CNTNAP2: variants seen among roughly 807,000 people sequenced by gnomAD.
CNTNAP2 encodes the protein contactin associated protein 2.
A neutral mutation model predicts 155.2 loss-of-function variants in CNTNAP2; 98 were observed. That is an observed-to-expected ratio of 0.63 (90% CI 0.54 to 0.75). CNTNAP2 has a LOEUF of 0.75. Among genes scored for constraint, CNTNAP2 ranks in the 30% least tolerant of loss-of-function variants. The pLI is 0.00. For synonymous variants in CNTNAP2, 651 were observed against 631.2 expected (o/e 1.03, Z -0.47); for missense variants, 1,727 against 1,688.1 (o/e 1.02, Z -0.40).
At chr7:147,852,569 C>G (rs563249726) in intron 13 of CNTNAP2, among the ~76,000 whole-genome samples, 1 of 152,242 alleles carries the variant, frequency 6.6e-6, no homozygotes, top group East Asian at 1.9e-4. Context: ...CTATACAAAG[C>G]CTTCCTTAAA....
At chr7:146,952,573 G>A (rs79400645) in intron 3 of CNTNAP2, among the ~76,000 whole-genome samples, 12 of 152,032 alleles carry the variant, frequency 7.9e-5, no homozygotes, top group Middle Eastern at 3.4e-3. Flanking sequence ...AAGCAACTTC[G>A]GCGAAGTCTC....
chr7:146,946,186 G>C (rs911430329), intron 3 of CNTNAP2, among the ~76,000 whole-genome samples: 2 of 139,174 alleles, frequency 1.4e-5, no homozygotes, highest in Non-Finnish European at 3.0e-5. Flanking sequence ...CTCTCTCTCT[G>C]CTTCAAATAC....
chr7:147,804,040 T>A (rs1798048905), intron 13 of CNTNAP2, among the ~76,000 whole-genome samples: 1 of 152,220 alleles, frequency 6.6e-6, no homozygotes, highest in Admixed American at 6.5e-5. Flanking sequence ...AATAGTACTA[T>A]TGCCTGAGGC....
chr7:146,145,860 T>G (rs2116765460), intron 1 of CNTNAP2, among the ~76,000 whole-genome samples: 2 of 152,300 alleles, frequency 1.3e-5, no homozygotes, highest in East Asian at 1.9e-4. Context: ...GGAAGCAGAC[T>G]TTCACCTTCA....
In CNTNAP2 at chr7:147,562,123, T is replaced by TTTTGTTTG; in HGVS notation, c.1778-12_1778-5dup. On this transcript the variant is annotated splice_polypyrimidine_tract_variant and intron_variant, in intron 11 of 23. Coordinates refer to ENST00000361727, the MANE Select transcript of CNTNAP2 (RefSeq NM_014141.6). ...TTCTGTGCTGTGCTTATGTAGGATA[T>TTTTGTTTG]TTTGTTTGTTCTAGCTATCTACGAG... is the stretch of plus-strand genomic sequence containing the variant. 1.2e-6 allele frequency: 2 copies of TTTTGTTTG among 1,613,848 alleles called. No individual in the cohort carries two copies. Among genetic ancestry groups the TTTTGTTTG allele is most frequent in the Non-Finnish European group, 1.7e-6 (2 of 1,179,784 alleles).
intron 23 of CNTNAP2, chr7:148,415,042 C>T (rs952969968): frequency 6.2e-5 from 23 of 369,600 alleles, no homozygotes; most frequent in Middle Eastern, 8.7e-4. Context: ...GCTGCCCCTC[C>T]CTACACTGCT....
At chr7:147,446,534 C>G (rs1207433257) in intron 10 of CNTNAP2, among the ~76,000 whole-genome samples, 3 of 152,088 alleles carry the variant, frequency 2.0e-5, no homozygotes, top group Non-Finnish European at 4.4e-5. Context: ...AGACCTGAGA[C>G]CCATATCCAA....
At chr7:147,076,795 C>T (rs532106929) in intron 4 of CNTNAP2, among the ~76,000 whole-genome samples, 3 of 152,184 alleles carry the variant, frequency 2.0e-5, no homozygotes, top group Admixed American at 1.3e-4. Flanking sequence ...CTTTAATAGA[C>T]GTTCTGGCTT....
intron 8 of CNTNAP2, among the ~76,000 whole-genome samples, chr7:147,258,883 C>G (rs910391636): frequency 1.3e-5 from 2 of 152,150 alleles, no homozygotes; most frequent in Admixed American, 6.5e-5. Context: ...TCCCACATTC[C>G]CTTTTCTCAA....
chr7:148,290,865 C>A lies in CNTNAP2; in HGVS notation c.3475+23739C>A, dbSNP rs565879964. Among the ~76,000 whole-genome samples the A allele has an allele frequency of 5.3e-5, 8 of 152,272 alleles. No individual in the cohort carries two copies. The South Asian group carries it at 1.7e-3, about 32-fold the overall frequency. The stretch of plus-strand genomic sequence containing the variant: ...ATTCCTGTCCCTGAGGACCATCAAT[C>A]GTTAAGTACAGAGAGCTTTTTCCAG... On this transcript the variant is annotated intron_variant, in intron 21 of 23. Coordinates refer to ENST00000361727, the MANE Select transcript of CNTNAP2 (RefSeq NM_014141.6).
At chr7:146,733,360 T>C (rs1402988588) in intron 1 of CNTNAP2, among the ~76,000 whole-genome samples, 1 of 152,136 alleles carries the variant, frequency 6.6e-6, no homozygotes, top group East Asian at 1.9e-4. Context: ...CATTATTCTT[T>C]TCAGTTGTCA....
chr7:146,512,250 G>A (rs1401458338), intron 1 of CNTNAP2, among the ~76,000 whole-genome samples: 5 of 150,784 alleles, frequency 3.3e-5, no homozygotes, highest in Admixed American at 6.6e-5. Context: ...TTTTCATTTT[G>A]TTGATCTTTT....
chr7:146,172,393 T>G (rs1798407847), intron 1 of CNTNAP2, among the ~76,000 whole-genome samples: 2 of 152,236 alleles, frequency 1.3e-5, no homozygotes, highest in South Asian at 4.1e-4. Context: ...CAGCCCAGCA[T>G]ATCAATAGTA....
chr7:147,145,118 C>T (rs1364962921), intron 8 of CNTNAP2, among the ~76,000 whole-genome samples: 2 of 152,186 alleles, frequency 1.3e-5, no homozygotes, highest in Non-Finnish European at 2.9e-5. Flanking sequence ...TCTTCTCAAA[C>T]ATTTGCATAT....
chr7:147,839,142 T>G (rs1798681829), intron 13 of CNTNAP2, among the ~76,000 whole-genome samples: 1 of 152,130 alleles, frequency 6.6e-6, no homozygotes, highest in African/African-American at 2.4e-5. Flanking sequence ...CTTTCCACGT[T>G]CTTCTGCCTG....
chr7:146,500,092 C>A (rs552563640), intron 1 of CNTNAP2, among the ~76,000 whole-genome samples: 1 of 150,716 alleles, frequency 6.6e-6, no homozygotes, highest in Non-Finnish European at 1.5e-5. Flanking sequence ...TTAATTTGAT[C>A]TTTTTGTGTG....
intron 13 of CNTNAP2, among the ~76,000 whole-genome samples, chr7:147,665,064 T>C (rs529034108): frequency 6.6e-6 from 1 of 152,334 alleles, no homozygotes; most frequent in Non-Finnish European, 1.5e-5. Context: ...ACAAAGTAGA[T>C]GCCACTGCAT....
intron 1 of CNTNAP2, among the ~76,000 whole-genome samples, chr7:146,379,270 G>T (rs1795348153): frequency 6.6e-6 from 1 of 152,178 alleles, no homozygotes; most frequent in African/African-American, 2.4e-5. Flanking sequence ...ATTAACTGGG[G>T]ACTAATTTGT....
chr7:148,133,687 G>A (rs1382120404), intron 16 of CNTNAP2: 2 of 152,162 alleles, frequency 1.3e-5, no homozygotes, highest in African/African-American at 2.4e-5. Flanking sequence ...CCTTTGGTAA[G>A]AGCTAGTCAC....
Sources: gnomAD v4.1 joint callset for allele counts (sites outside exome capture counted in the v4.1 genomes callset) on GRCh38, gnomAD v4.1.1 for gene constraint, MANE v1.5 for transcripts, NCBI Gene and HGNC (gene_info 2026-07-23, HGNC 2026-07-21) for gene names.